Variants in ASAP2 observed in about 807,000 individuals in gnomAD.
ASAP2 encodes the protein ArfGAP with SH3 domain, ankyrin repeat and PH domain 2.
Under a neutral mutation model 131.4 loss-of-function variants are expected in ASAP2, and 45 were observed. The ratio of observed to expected loss-of-function variants is 0.34; its 90% CI spans 0.27 to 0.44. The LOEUF is 0.44. Ranked by LOEUF, ASAP2 falls within the 20% of genes least tolerant of loss-of-function variation. ASAP2 has a pLI of 1.00. For synonymous variants in ASAP2, 510 were observed against 503.0 expected, an observed-to-expected ratio of 1.01 and a Z score of -0.19; for missense variants, 1,011 against 1,297.0, an observed-to-expected ratio of 0.78 and a Z score of 3.39.
chr2:9,403,609 G>A lies in ASAP2; in HGVS notation c.*282G>A. The A allele has an allele frequency of 2.8e-6, 1 of 359,262 alleles. No individual in the cohort carries two copies. The highest frequency in any genetic ancestry group is 2.1e-5 in the African/African-American group (1 of 47,314). 22.3% of individuals were successfully genotyped at this position (359,262 alleles called of 1,614,324 possible). A position where few individuals can be genotyped will look rare whatever the true frequency, so the allele number is the denominator to read the frequency against. On this transcript the variant is annotated 3_prime_UTR_variant, in exon 28 of 28. Transcript: ENST00000281419. The stretch of plus-strand genomic sequence containing the variant: ...AACTATTATACATAATCAAGATCCT[G>A]CCTCTACGGAATTAGCTAAACCTAA...
intron 1 of ASAP2, among the ~76,000 whole-genome samples, chr2:9,234,307 C>T (rs745360760): frequency 1.3e-5 from 2 of 152,156 alleles, no homozygotes; most frequent in Non-Finnish European, 2.9e-5. Context: ...GCAGCAATAA[C>T]CAGACTGCCT....
At chr2:9,316,347 A>G (rs1669672898) in intron 3 of ASAP2, among the ~76,000 whole-genome samples, 1 of 152,204 alleles carries the variant, frequency 6.6e-6, no homozygotes, top group African/African-American at 2.4e-5. Context: ...GTGTATAGAA[A>G]TCGGATGCCA....
intron 1 of ASAP2, among the ~76,000 whole-genome samples, chr2:9,264,164 C>T (rs1322174470): frequency 6.7e-6 from 1 of 149,550 alleles, no homozygotes; most frequent in Non-Finnish European, 1.5e-5. Flanking sequence ...TGCACTCCAC[C>T]CTGGGCAGTG....
chr2:9,259,775 G>A (rs896038237), intron 1 of ASAP2, among the ~76,000 whole-genome samples: 1 of 152,224 alleles, frequency 6.6e-6, no homozygotes, highest in Non-Finnish European at 1.5e-5. Context: ...GAACTCATCT[G>A]AGGCCGACAG....
rs769135192 is a variant in ASAP2 at position 9,318,563 on chromosome 2, A to G, written c.385A>G (p.Ser129Gly). The G allele has an allele frequency of 9.9e-6, 16 of 1,613,144 alleles. No homozygotes were observed. The Admixed American group carries it at 2.2e-4, about 22-fold the overall frequency. The change falls in exon 4 of 28, where the codon AGT becomes GGT. Residue 129 changes from serine (S) to glycine (G), a missense_variant. Physicochemically the swap from Ser to Gly is moderately conservative, Grantham distance 56. Coordinates refer to ENST00000281419, the MANE Select transcript of ASAP2 (RefSeq NM_003887.3). ...CAACATAATCTCCTTCCCTTTGGAC[A>G]GTTTGCTGAAGGGGGACCTGAAAGG... ...MNNIISFPLD[S>G]LLKGDLKGVK...
At chr2:9,342,302 G>A (rs1444499573) in intron 9 of ASAP2, among the ~76,000 whole-genome samples, 3 of 152,200 alleles carry the variant, frequency 2.0e-5, no homozygotes, top group Non-Finnish European at 4.4e-5. Context: ...TGTGGTACTG[G>A]CATAAGGAGA....
At chr2:9,226,475 G>A (rs1268199323) in intron 1 of ASAP2, among the ~76,000 whole-genome samples, 1 of 152,152 alleles carries the variant, frequency 6.6e-6, no homozygotes, top group Non-Finnish European at 1.5e-5. Context: ...TTGATCTGAG[G>A]ATGTTCCATA....
intron 9 of ASAP2, among the ~76,000 whole-genome samples, chr2:9,339,474 C>G (rs758845346): frequency 1.3e-5 from 2 of 152,052 alleles, no homozygotes; most frequent in African/African-American, 4.8e-5. Context: ...CTGTAGAGCA[C>G]TTACCATATT....
chr2:9,247,451 C>CCT (rs1328343714), intron 1 of ASAP2, among the ~76,000 whole-genome samples: 8 of 152,198 alleles, frequency 5.3e-5, no homozygotes, highest in African/African-American at 1.9e-4. Flanking sequence ...GACCTTATTA[C>CCT]CTCATGCGCT....
chr2:9,270,784 C>CTTTTTTTTTTTTTTTTT (rs1666294703), intron 1 of ASAP2, among the ~76,000 whole-genome samples: 3 of 69,736 alleles, frequency 4.3e-5, no homozygotes, highest in Admixed American at 1.6e-4. Flanking sequence ...CAATTGTTTT[C>CTTTTTTTTTTTTTTTTT]ATTTTTTTTT....
chr2:9,348,157 G>A (rs952846333), intron 11 of ASAP2, among the ~76,000 whole-genome samples: 1 of 151,900 alleles, frequency 6.6e-6, no homozygotes, highest in Non-Finnish European at 1.5e-5. Context: ...TTTTTGAGAC[G>A]GAGTCTCGCT....
intron 1 of ASAP2, among the ~76,000 whole-genome samples, chr2:9,224,368 C>A (rs547214817): frequency 6.6e-6 from 1 of 152,170 alleles, no homozygotes; most frequent in Non-Finnish European, 1.5e-5. Context: ...CTAGGTATTA[C>A]TTCTCTTTGA....
chr2:9,213,253 T>C (rs1661735202), intron 1 of ASAP2, among the ~76,000 whole-genome samples: 2 of 152,040 alleles, frequency 1.3e-5, no homozygotes, highest in Non-Finnish European at 2.9e-5. Context: ...ATAGAACAGC[T>C]TGGGAAAAGG....
At chr2:9,224,049 T>G (rs1460583329) in intron 1 of ASAP2, among the ~76,000 whole-genome samples, 1 of 152,198 alleles carries the variant, frequency 6.6e-6, no homozygotes, top group Admixed American at 6.5e-5. Flanking sequence ...GAAAATTAAT[T>G]TCTGTAGAAC....
At chr2:9,252,041 G>A (rs142464364) in intron 1 of ASAP2, among the ~76,000 whole-genome samples, 76 of 152,194 alleles carry the variant, frequency 5.0e-4, no homozygotes, top group African/African-American at 1.6e-3. Context: ...AGGTGTTAGA[G>A]TGTTAGCCTG....
intron 1 of ASAP2, among the ~76,000 whole-genome samples, chr2:9,240,212 A>G (rs907370066): frequency 4.8e-5 from 7 of 146,864 alleles, no homozygotes; most frequent in African/African-American, 1.8e-4. Context: ...CAATCACGAC[A>G]TGTCTCTGTT....
At chr2:9,339,683 T>C (rs1049704529) in intron 9 of ASAP2, among the ~76,000 whole-genome samples, 1 of 152,158 alleles carries the variant, frequency 6.6e-6, no homozygotes, top group African/African-American at 2.4e-5. Flanking sequence ...ACATATCCCT[T>C]AGCCTCCTTG....
intron 8 of ASAP2, 57 bp from the exon 9 acceptor site, chr2:9,335,036 A>G: frequency 1.3e-6 from 2 of 1,557,840 alleles, no homozygotes; most frequent in Admixed American, 1.7e-5. Flanking sequence ...CCAACGTTTC[A>G]CTGTACCTCA....
In ASAP2 at chr2:9,405,500, TATTC is replaced by T. The variant is rs894831876; in HGVS notation, c.*2175_*2178del. 1 of 152,662 alleles carries T rather than the reference TATTC, an allele frequency of 6.6e-6. No homozygotes were observed. Among genetic ancestry groups the T allele is most frequent in the African/African-American group, 2.4e-5 (1 of 41,462 alleles). The allele number at this position is 152,662 out of a possible 1,614,324, so 9.5% of individuals were successfully genotyped here. A position where few individuals can be genotyped will look rare whatever the true frequency, so the allele number is the denominator to read the frequency against. On this transcript the variant is annotated 3_prime_UTR_variant, in exon 28 of 28. Transcript: ENST00000281419. ...TAGGATGCTATTTTGAGATGTATGATATTCAGTTCATTCACCTGATTACTTTGGT... is the reference window on the plus strand; with the variant it reads ...TAGGATGCTATTTTGAGATGTATGATAGTTCATTCACCTGATTACTTTGGT...
Sources: allele counts gnomAD v4.1 joint callset (sites outside exome capture counted in the v4.1 genomes callset), GRCh38; gene constraint gnomAD v4.1.1; transcripts MANE v1.5; gene names NCBI Gene and HGNC (gene_info 2026-07-23, HGNC 2026-07-21).